FRAS1: variants seen among roughly 807,000 people sequenced by gnomAD.
FRAS1 encodes extracellular matrix organizing protein FRAS1.
In FRAS1, 290 loss-of-function variants were observed where a neutral mutation model predicts 435.2. That is an observed-to-expected ratio of 0.67 (90% CI 0.61 to 0.73). The LOEUF is 0.73. Among genes scored for constraint, FRAS1 ranks in the 30% least tolerant of loss-of-function variants. The pLI is 0.00. For missense variants in FRAS1, 4,860 were observed against 5,001.5 expected (o/e 0.97, Z 0.85); for synonymous variants, 1,800 against 1,851.0 (o/e 0.97, Z 0.71).
intron 6 of FRAS1, among the ~76,000 whole-genome samples, chr4:78,260,789 A>G (rs34595864): frequency 0.34 from 51,043 of 152,004 alleles, 8,608 homozygotes; most frequent in Admixed American, 0.39. Context: ...GCCAGTTTTC[A>G]AAGGGAATGC....
At chr4:78,365,737 TAAAA>T (rs531246410) in intron 22 of FRAS1, among the ~76,000 whole-genome samples, 1 of 132,140 alleles carries the variant, frequency 7.6e-6, no homozygotes, top group Non-Finnish European at 1.6e-5. Flanking sequence ...TCTAGTACAT[TAAAA>T]AAAAAAAAAC....
At chr4:78,125,338 A>C (rs949666852) in intron 2 of FRAS1, among the ~76,000 whole-genome samples, 1 of 152,172 alleles carries the variant, frequency 6.6e-6, no homozygotes, top group Non-Finnish European at 1.5e-5. Flanking sequence ...ATTTGATTGC[A>C]CTGTGGTCTC....
intron 69 of FRAS1, 133 bp downstream of exon 69, chr4:78,522,941 C>T: frequency 2.3e-6 from 2 of 865,366 alleles, no homozygotes; most frequent in Non-Finnish European, 3.3e-6. Context: ...AAATAACCCT[C>T]AGCTGGGAGT....
At chr4:78,502,290 A>G (rs1452822950) in intron 61 of FRAS1, among the ~76,000 whole-genome samples, 2 of 152,160 alleles carry the variant, frequency 1.3e-5, no homozygotes, top group South Asian at 2.1e-4. Flanking sequence ...ATGGCATTGT[A>G]TCTATAAATT....
intron 69 of FRAS1, 59 bp from the exon 70 acceptor site, chr4:78,526,482 G>A (rs566514019): frequency 2.6e-6 from 3 of 1,139,320 alleles, no homozygotes; most frequent in East Asian, 2.6e-5. Context: ...GTCTTTCTGG[G>A]TAAGCCAGCA....
At chr4:78,355,955 A>T (rs1460846782) in intron 20 of FRAS1, among the ~76,000 whole-genome samples, 2 of 152,176 alleles carry the variant, frequency 1.3e-5, no homozygotes, top group Non-Finnish European at 2.9e-5. Context: ...ACCAAATAAG[A>T]AGAATTCACG....
intron 27 of FRAS1, among the ~76,000 whole-genome samples, chr4:78,382,191 A>G (rs1732048513): frequency 6.6e-6 from 1 of 152,152 alleles, no homozygotes; most frequent in African/African-American, 2.4e-5. Flanking sequence ...CCTCAGTGCC[A>G]CCAAAAATCA....
intron 2 of FRAS1, among the ~76,000 whole-genome samples, chr4:78,074,758 A>G (rs1045530319): frequency 6.6e-6 from 1 of 152,220 alleles, no homozygotes; most frequent in African/African-American, 2.4e-5. Context: ...AAAGGACCCC[A>G]TAAATAGCAC....
At chr4:78,194,905 A>C (rs994298064) in intron 2 of FRAS1, among the ~76,000 whole-genome samples, 2 of 151,918 alleles carry the variant, frequency 1.3e-5, no homozygotes, top group Non-Finnish European at 2.9e-5. Flanking sequence ...TTGTGGTTTT[A>C]TCTACCTTTG....
At chr4:78,470,421 G>C (rs1470098852) in intron 51 of FRAS1, among the ~76,000 whole-genome samples, 10 of 152,124 alleles carry the variant, frequency 6.6e-5, no homozygotes. Context: ...TAGAGATGTG[G>C]ATTCCCTCCA....
At chr4:78,540,488 G>T in intron 73 of FRAS1, 43 bp from the exon 74 acceptor site, 1 of 1,291,328 alleles carries the variant, frequency 7.7e-7, no homozygotes, top group Non-Finnish European at 1.1e-6. Context: ...CTTCAGAGGT[G>T]GTCTGTGGGC....
intron 2 of FRAS1, among the ~76,000 whole-genome samples, chr4:78,101,947 A>G (rs1451007226): frequency 6.6e-6 from 1 of 152,170 alleles, no homozygotes; most frequent in Non-Finnish European, 1.5e-5. Context: ...ATAGTCTTTG[A>G]AACTCTCAAA....
At chr4:78,420,632 C>T (rs1733744173) in intron 33 of FRAS1, among the ~76,000 whole-genome samples, 1 of 151,988 alleles carries the variant, frequency 6.6e-6, no homozygotes, top group Non-Finnish European at 1.5e-5. Context: ...ATTGCAGAGT[C>T]TAAGGAGTTT....
intron 29 of FRAS1, among the ~76,000 whole-genome samples, chr4:78,393,602 T>C (rs575708689): frequency 6.6e-4 from 100 of 152,140 alleles, no homozygotes; most frequent in Non-Finnish European, 1.0e-3. Context: ...TTGTTGCAAA[T>C]AGCAGGATTT....
At chr4:78,338,210 C>A (rs187357246) in intron 20 of FRAS1, among the ~76,000 whole-genome samples, 9 of 151,914 alleles carry the variant, frequency 5.9e-5, no homozygotes, top group Admixed American at 5.9e-4. Context: ...GCCATCAGCC[C>A]CAGACACAAA....
chr4:78,160,455 C>G (rs1721092074), intron 2 of FRAS1, among the ~76,000 whole-genome samples: 1 of 152,134 alleles, frequency 6.6e-6, no homozygotes, highest in African/African-American at 2.4e-5. Flanking sequence ...AAACGTTAGC[C>G]TGTATTCCCA....
intron 6 of FRAS1, among the ~76,000 whole-genome samples, chr4:78,258,708 CTAT>C (rs1043691689): frequency 7.9e-6 from 1 of 126,942 alleles, no homozygotes; most frequent in Non-Finnish European, 1.7e-5. Flanking sequence ...ATTTATTTAT[CTAT>C]TATTATTATT....
At chr4:78,452,071 A>G in intron 46 of FRAS1, 104 bp from the exon 47 acceptor site, 1 of 1,316,142 alleles carries the variant, frequency 7.6e-7, no homozygotes, top group Admixed American at 1.9e-5. Flanking sequence ...TCTAACACAC[A>G]GGCCTAGAGA....
At chr4:78,411,970 A>T (rs1733356384) in intron 31 of FRAS1, among the ~76,000 whole-genome samples, 2 of 152,042 alleles carry the variant, frequency 1.3e-5, no homozygotes, top group South Asian at 2.1e-4. Context: ...AATAATATCT[A>T]CTCTGTGGAT....
Sources: allele counts gnomAD v4.1 joint callset (sites outside exome capture counted in the v4.1 genomes callset), GRCh38; gene constraint gnomAD v4.1.1; transcripts MANE v1.5; gene names NCBI Gene and HGNC (gene_info 2026-07-23, HGNC 2026-07-21).